The following HEG1 variants were observed in gnomAD, a reference collection of about 807,000 sequenced individuals.
HEG1 encodes the protein protein HEG homolog 1.
Under a neutral mutation model 125.6 loss-of-function variants are expected in HEG1, and 56 were observed. That is an observed-to-expected ratio of 0.45 (90% CI 0.36 to 0.56). The LOEUF (loss-of-function observed/expected upper bound fraction) is 0.56, where lower values mean the gene tolerates loss of function less well. Among genes scored for constraint, HEG1 ranks in the 20% least tolerant of loss-of-function variants. HEG1 has a pLI of 0.00. For synonymous variants in HEG1, 644 were observed against 668.5 expected (o/e 0.96, Z 0.57); for missense variants, 1,523 against 1,670.0 (o/e 0.91, Z 1.53).
At chr3:125,014,893 C>T (rs760153028) in intron 5 of HEG1, 12 of 1,289,764 alleles carry the variant, frequency 9.3e-6, no homozygotes, top group South Asian at 4.9e-5. Context: ...GTGCGTTCCC[C>T]GTTTCCAGTG....
At chr3:125,031,571 C>T (rs1190451822) in intron 1 of HEG1, among the ~76,000 whole-genome samples, 2 of 151,970 alleles carry the variant, frequency 1.3e-5, no homozygotes, top group Non-Finnish European at 2.9e-5. Context: ...GGAATCACTT[C>T]GATTTATATG....
chr3:125,048,011 C>A (rs1937703955), intron 1 of HEG1, among the ~76,000 whole-genome samples: 1 of 152,130 alleles, frequency 6.6e-6, no homozygotes, highest in African/African-American at 2.4e-5. Context: ...CTTCTCTGCA[C>A]AGATAGATGG....
At chr3:124,974,854 A>G (rs920764853) in intron 15 of HEG1, among the ~76,000 whole-genome samples, 7 of 152,212 alleles carry the variant, frequency 4.6e-5, no homozygotes, top group Non-Finnish European at 1.0e-4. Flanking sequence ...GAAGTTGGGA[A>G]CAGACCTGCC....
chr3:125,021,187 T>A, intron 3 of HEG1, 57 bp from the exon 4 acceptor site: 1 of 1,300,020 alleles, frequency 7.7e-7, no homozygotes, highest in Non-Finnish European at 1.1e-6. Context: ...AAATCCGGAC[T>A]ATATTCGAGA....
chr3:124,977,899 G>A lies in HEG1; in HGVS notation c.3781C>T (p.Leu1261=). ...ATCAGTGCGATGCCTAGGATGAGCA[G>A]GAGCCCACCTCCCGCGGCTGCGATC... The part of the protein sequence containing the change: ...VVIAAAGGGL[L]LILGIALIVT... The change falls in exon 15 of 17, where the codon CTG becomes TTG. Residue 1261 remains leucine, a synonymous_variant. Coordinates refer to ENST00000311127, the MANE Select transcript of HEG1 (RefSeq NM_020733.2). The A allele has an allele frequency of 1.3e-6, 2 of 1,581,010 alleles. No individual in the cohort carries two copies. Among genetic ancestry groups the A allele is most frequent in the South Asian group, 1.2e-5 (1 of 85,762 alleles).
At chr3:124,981,687 C>A (rs147426043) in intron 14 of HEG1, among the ~76,000 whole-genome samples, 18 of 152,288 alleles carry the variant, frequency 1.2e-4, no homozygotes, top group African/African-American at 4.1e-4. Flanking sequence ...GAGCACTGGG[C>A]TGAAAGCCAG....
chr3:125,055,637 G>A lies in HEG1; in HGVS notation c.254C>T (p.Pro85Leu), dbSNP rs1156630278. 8 of 1,197,968 alleles carry A rather than the reference G, an allele frequency of 6.7e-6. 1 individual carries two copies. In the Middle Eastern group the frequency reaches 9.9e-4, roughly 148 times the overall value. The allele number at this position is 1,197,968 out of a possible 1,614,324, so 74.2% of individuals were successfully genotyped here. ...CCGCTGTGTCGCGGCGCCTGGCTCA[G>A]GGGCCCTGTAGCTGGGGCCGGGGGT... ...PATPGPSYRA[P>L]EPGAATQRGP... Residue 85 changes from proline to leucine, a missense_variant, in exon 1 of 17, where the codon CCT becomes CTT. Coordinates refer to ENST00000311127, the MANE Select transcript of HEG1 (RefSeq NM_020733.2).
intron 3 of HEG1, among the ~76,000 whole-genome samples, chr3:125,023,229 C>T (rs1374251664): frequency 5.3e-5 from 6 of 113,388 alleles, no homozygotes; most frequent in African/African-American, 1.8e-4. Context: ...CAAAACAAAA[C>T]AAACAAACCA....
intron 11 of HEG1, among the ~76,000 whole-genome samples, chr3:125,000,710 C>T (rs542108052): frequency 3.3e-5 from 5 of 152,158 alleles, no homozygotes; most frequent in Admixed American, 6.5e-5. Flanking sequence ...TATACAGGCC[C>T]ACTCCAGAAA....
Position 124,977,845 on chromosome 3 carries a change from C to T in HEG1, c.3821+14G>A. 1.9e-6 allele frequency: 3 copies of T among 1,540,510 alleles called. No homozygotes were observed. The highest frequency in any genetic ancestry group is 2.4e-5 in the South Asian group (2 of 83,786). On this transcript the variant is annotated intron_variant, in intron 15 of 16. Coordinates refer to ENST00000311127, the MANE Select transcript of HEG1 (RefSeq NM_020733.2). Reference sequence around the variant, plus strand: ...CAAAGGAACGGGATTGGAACCTGAACTCTCATCACTTACCTGCAACAGGTA... The same window carrying T: ...CAAAGGAACGGGATTGGAACCTGAATTCTCATCACTTACCTGCAACAGGTA...
chr3:125,003,024 G>A (rs1937021724), intron 9 of HEG1, among the ~76,000 whole-genome samples: 1 of 152,342 alleles, frequency 6.6e-6, no homozygotes, highest in East Asian at 1.9e-4. Context: ...CAAGGCCCAT[G>A]TATCAGATAC....
rs1471756344 is a variant in HEG1, at chr3:125,002,622, G to T, written c.3298-307C>A. 2.0e-5 allele frequency among the ~76,000 whole-genome samples: 3 copies of T among 152,186 alleles called. No homozygotes were observed. In the South Asian group the frequency reaches 6.2e-4, roughly 31 times the overall value. Reference sequence around the variant, plus strand: ...AAGCAGCTCTCTTTTAAGGCCCAGGGTTTCAAACAACTCAGAGGCAACTGT... The same window carrying T: ...AAGCAGCTCTCTTTTAAGGCCCAGGTTTTCAAACAACTCAGAGGCAACTGT... On this transcript the variant is annotated intron_variant, in intron 9 of 16. Transcript: ENST00000311127.
chr3:125,051,589 G>T (rs1937807300), intron 1 of HEG1, among the ~76,000 whole-genome samples: 1 of 152,240 alleles, frequency 6.6e-6, no homozygotes, highest in Non-Finnish European at 1.5e-5. Context: ...TAAGGAGTGT[G>T]AAGGCGCCGA....
chr3:124,975,727 C>T (rs1936523664), intron 15 of HEG1, among the ~76,000 whole-genome samples: 1 of 152,178 alleles, frequency 6.6e-6, no homozygotes, highest in Admixed American at 6.5e-5. Flanking sequence ...ATCTACTTTC[C>T]AACTCTATTA....
At chr3:124,993,201 G>A (rs539062576) in intron 12 of HEG1, among the ~76,000 whole-genome samples, 30 of 152,318 alleles carry the variant, frequency 2.0e-4, no homozygotes, top group African/African-American at 7.0e-4. Context: ...GCAGGACCCT[G>A]CTGTGTCTCA....
intron 8 of HEG1, among the ~76,000 whole-genome samples, chr3:125,008,614 A>T (rs550064157): frequency 4.8e-4 from 73 of 152,290 alleles, no homozygotes; most frequent in Non-Finnish European, 1.5e-5. Context: ...CATGGCCAAC[A>T]TGGCAAAGCC....
chr3:125,012,544 A>G (rs2107700379), intron 6 of HEG1, 79 bp downstream of exon 6: 1 of 1,370,464 alleles, frequency 7.3e-7, no homozygotes, highest in Admixed American at 2.6e-5. Flanking sequence ...ACAAATTCAC[A>G]TGAACCCCGA....
At position 125,010,425 on chromosome 3, in the gene HEG1, A is replaced by G; in HGVS notation, c.3073+14T>C. ...ACTGTGGTGCAGACCACTGGGCGTT[A>G]CTTTTTCTCTTACCCACACTGCAAT... On this transcript the variant is annotated intron_variant, in intron 7 of 16. Coordinates refer to ENST00000311127, the MANE Select transcript of HEG1 (RefSeq NM_020733.2). 6.6e-7 allele frequency: 1 copy of G among 1,517,676 alleles called. No individual in the cohort carries two copies. Among genetic ancestry groups the G allele is most frequent in the East Asian group, 2.5e-5 (1 of 40,586 alleles). The allele number at this position is 1,517,676 out of a possible 1,614,324, so 94.0% of individuals were successfully genotyped here.
At chr3:125,031,709 CA>C (rs1020192484) in intron 1 of HEG1, among the ~76,000 whole-genome samples, 169 of 147,284 alleles carry the variant, frequency 1.1e-3, no homozygotes, top group South Asian at 1.5e-3. Context: ...ATATACCCCC[CA>C]CACACACACA....
Sources: gnomAD v4.1 joint callset for allele counts (sites outside exome capture counted in the v4.1 genomes callset) on GRCh38, gnomAD v4.1.1 for gene constraint, MANE v1.5 for transcripts, NCBI Gene and HGNC (gene_info 2026-07-23, HGNC 2026-07-21) for gene names.